The following BABAM2 variants were observed in gnomAD, a reference collection of about 807,000 sequenced individuals.
BABAM2 encodes the protein BRISC and BRCA1 A complex member 2, also known as BRISC and BRCA1-A complex member 2.
BABAM2 carries 31 observed loss-of-function variants against 54.7 expected under a neutral mutation model. That is an observed-to-expected ratio of 0.57 (90% CI 0.43 to 0.77). BABAM2 has a LOEUF of 0.77. Ranked by LOEUF, BABAM2 falls within the 30% of genes least tolerant of loss-of-function variation. The pLI is 0.00. For synonymous variants in BABAM2, 167 were observed against 162.9 expected, an observed-to-expected ratio of 1.03 and a Z score of -0.19; for missense variants, 364 against 455.8, an observed-to-expected ratio of 0.80 and a Z score of 1.83.
intron 4 of BABAM2, among the ~76,000 whole-genome samples, chr2:28,011,000 C>A (rs1452715152): frequency 6.6e-6 from 1 of 152,150 alleles, no homozygotes; most frequent in Non-Finnish European, 1.5e-5. Context: ...GTGGCTGAAT[C>A]AAACATTGAG....
At chr2:28,170,325 T>C (rs1674185771) in intron 7 of BABAM2, among the ~76,000 whole-genome samples, 2 of 152,072 alleles carry the variant, frequency 1.3e-5, no homozygotes, top group South Asian at 4.1e-4. Context: ...TTATGTATTG[T>C]TTTAATTTTT....
intron 2 of BABAM2, among the ~76,000 whole-genome samples, chr2:27,900,319 G>T (rs1665680454): frequency 6.6e-6 from 1 of 151,742 alleles, no homozygotes; most frequent in African/African-American, 2.4e-5. Flanking sequence ...CTATATTCTA[G>T]ATCTGGTTCA....
chr2:27,985,681 A>G (rs886306889), intron 3 of BABAM2, among the ~76,000 whole-genome samples: 1 of 152,116 alleles, frequency 6.6e-6, no homozygotes, highest in Non-Finnish European at 1.5e-5. Flanking sequence ...GATGCTTACA[A>G]TTTAATTAGG....
intron 11 of BABAM2, among the ~76,000 whole-genome samples, chr2:28,306,855 G>A (rs1401758111): frequency 1.4e-5 from 2 of 148,078 alleles, no homozygotes; most frequent in East Asian, 4.0e-4. Context: ...CGCCACTATT[G>A]CCTGGCTAAT....
At chr2:27,975,044 A>G (rs967654700) in intron 3 of BABAM2, among the ~76,000 whole-genome samples, 1 of 152,086 alleles carries the variant, frequency 6.6e-6, no homozygotes, top group Non-Finnish European at 1.5e-5. Context: ...TTCAGTATCT[A>G]TATGTAGATA....
At chr2:27,946,018 C>CT (rs1558608840) in intron 3 of BABAM2, among the ~76,000 whole-genome samples, 2 of 151,880 alleles carry the variant, frequency 1.3e-5, no homozygotes, top group Non-Finnish European at 2.9e-5. Flanking sequence ...ATTTCTCATT[C>CT]TTGTTTTATT....
intron 6 of BABAM2, among the ~76,000 whole-genome samples, chr2:28,072,898 C>G (rs764450852): frequency 6.6e-6 from 1 of 152,228 alleles, no homozygotes; most frequent in Non-Finnish European, 1.5e-5. Flanking sequence ...ATAATTATCA[C>G]AAGGTTAATC....
chr2:27,894,049 A>G (rs1202495102), intron 1 of BABAM2, among the ~76,000 whole-genome samples: 1 of 151,996 alleles, frequency 6.6e-6, no homozygotes, highest in Non-Finnish European at 1.5e-5. Flanking sequence ...TCTAGTAAGT[A>G]ATAGCTTCAA....
chr2:27,955,712 C>T (rs971956421), intron 3 of BABAM2, among the ~76,000 whole-genome samples: 1 of 152,084 alleles, frequency 6.6e-6, no homozygotes, highest in African/African-American at 2.4e-5. Context: ...TGTTTTATTC[C>T]CTTAACATTG....
intron 8 of BABAM2, among the ~76,000 whole-genome samples, chr2:28,237,885 C>T (rs980939585): frequency 4.6e-5 from 7 of 152,060 alleles, no homozygotes; most frequent in African/African-American, 1.7e-4. Flanking sequence ...CAGAGTCTCA[C>T]TCTGTCGCCT....
intron 2 of BABAM2, among the ~76,000 whole-genome samples, chr2:27,928,463 T>TTCCTC (rs1667868146): frequency 1.3e-5 from 2 of 151,284 alleles, no homozygotes. Flanking sequence ...GTCTGGTTCT[T>TTCCTC]TTTCACATTC....
intron 6 of BABAM2, among the ~76,000 whole-genome samples, chr2:28,061,606 G>T (rs1426422341): frequency 1.4e-5 from 2 of 143,798 alleles, no homozygotes; most frequent in Admixed American, 1.4e-4. Flanking sequence ...AAAAAAAAGA[G>T]AAAAGAAAAG....
At chr2:28,244,898 A>G (rs754748814) in intron 10 of BABAM2, 36 bp downstream of exon 10, 7 of 1,569,416 alleles carry the variant, frequency 4.5e-6, no homozygotes, top group Non-Finnish European at 6.1e-6. Flanking sequence ...GTCAGCATAC[A>G]TTTTTAAATG....
intron 10 of BABAM2, among the ~76,000 whole-genome samples, chr2:28,274,700 A>G (rs1405912570): frequency 6.6e-6 from 1 of 152,216 alleles, no homozygotes; most frequent in Non-Finnish European, 1.5e-5. Flanking sequence ...GGTGTTAGGC[A>G]CTAGACAAGA....
intron 3 of BABAM2, among the ~76,000 whole-genome samples, chr2:27,944,074 TG>T (rs1422027163): frequency 1.3e-5 from 2 of 152,210 alleles, no homozygotes; most frequent in Non-Finnish European, 2.9e-5. Flanking sequence ...TCTTTGGTAC[TG>T]ATTATAGTTT....
intron 10 of BABAM2, among the ~76,000 whole-genome samples, chr2:28,275,531 G>A (rs1468186725): frequency 3.3e-5 from 5 of 152,300 alleles, no homozygotes; most frequent in East Asian, 1.9e-4. Flanking sequence ...GGCAGGCCTC[G>A]GGGTTGGAAA....
intron 1 of BABAM2, among the ~76,000 whole-genome samples, chr2:27,893,706 C>T (rs1050810531): frequency 6.6e-6 from 1 of 152,064 alleles, no homozygotes; most frequent in Non-Finnish European, 1.5e-5. Flanking sequence ...AAAGGTGTAT[C>T]AGCAGTAGGC....
intron 6 of BABAM2, among the ~76,000 whole-genome samples, chr2:28,066,472 A>G (rs1039312743): frequency 2.0e-5 from 3 of 152,194 alleles, no homozygotes; most frequent in Admixed American, 6.5e-5. Context: ...GCTGCATAAT[A>G]CGTTACTCGA....
intron 6 of BABAM2, among the ~76,000 whole-genome samples, chr2:28,081,383 T>C (rs543196174): frequency 1.6e-4 from 24 of 152,292 alleles, no homozygotes; most frequent in African/African-American, 5.5e-4. Context: ...CTTACCTGAT[T>C]CCCAATTTGT....
Sources: allele counts gnomAD v4.1 joint callset (sites outside exome capture counted in the v4.1 genomes callset), GRCh38; gene constraint gnomAD v4.1.1; transcripts MANE v1.5; gene names NCBI Gene and HGNC (gene_info 2026-07-23, HGNC 2026-07-21).